Variants in ELMO1 observed in about 807,000 individuals in gnomAD.
ELMO1 encodes engulfment and cell motility protein 1.
ELMO1 carries 26 observed loss-of-function variants against 98.9 expected under a neutral mutation model. That is an observed-to-expected ratio of 0.26 (90% CI 0.19 to 0.36). The LOEUF (loss-of-function observed/expected upper bound fraction) is 0.36, where lower values mean the gene tolerates loss of function less well. ELMO1 is among the 10% of genes least tolerant of loss of function. ELMO1 has a pLI of 1.00. For missense variants in ELMO1, 627 were observed against 935.2 expected, an observed-to-expected ratio of 0.67 and a Z score of 4.30; for synonymous variants, 346 against 346.0, an observed-to-expected ratio of 1.00 and a Z score of 0.00.
At chr7:36,895,739 G>A (rs1272597791) in intron 16 of ELMO1, among the ~76,000 whole-genome samples, 1 of 152,166 alleles carries the variant, frequency 6.6e-6, no homozygotes, top group Non-Finnish European at 1.5e-5. Flanking sequence ...ATCTTCATCA[G>A]GACGCATACA....
intron 1 of ELMO1, among the ~76,000 whole-genome samples, chr7:37,412,312 C>T (rs1038714579): frequency 5.9e-5 from 9 of 152,210 alleles, no homozygotes; most frequent in Non-Finnish European, 8.8e-5. Context: ...TCCTCCTGGA[C>T]ACTGAGGAAA....
chr7:37,435,346 C>T (rs1805100292), intron 1 of ELMO1: 1 of 152,198 alleles, frequency 6.6e-6, no homozygotes, highest in Non-Finnish European at 1.5e-5. Context: ...CAGTCTCTTC[C>T]CAGCCAAGGA....
chr7:36,956,925 A>T (rs1306763789), intron 16 of ELMO1, among the ~76,000 whole-genome samples: 2 of 152,212 alleles, frequency 1.3e-5, no homozygotes, highest in Non-Finnish European at 2.9e-5. Flanking sequence ...CCTGTTTCCC[A>T]AGTCCAAAAT....
intron 14 of ELMO1, among the ~76,000 whole-genome samples, chr7:37,123,709 C>T (rs1046675717): frequency 1.3e-5 from 2 of 152,268 alleles, no homozygotes; most frequent in African/African-American, 4.8e-5. Flanking sequence ...ACCAGAGGTA[C>T]AAAGAGGAGC....
At chr7:36,944,300 G>C (rs578218674) in intron 16 of ELMO1, among the ~76,000 whole-genome samples, 1 of 152,252 alleles carries the variant, frequency 6.6e-6, no homozygotes, top group African/African-American at 2.4e-5. Context: ...TGCTTCTTGG[G>C]CACGACAATC....
intron 4 of ELMO1, among the ~76,000 whole-genome samples, chr7:37,285,837 C>G (rs1243307665): frequency 2.6e-5 from 4 of 152,126 alleles, no homozygotes; most frequent in Non-Finnish European, 5.9e-5. Context: ...CCTTATTTTT[C>G]CATCCACTTG....
chr7:37,249,186 C>A (rs557478167), intron 6 of ELMO1, among the ~76,000 whole-genome samples: 1 of 152,286 alleles, frequency 6.6e-6, no homozygotes, highest in East Asian at 1.9e-4. Context: ...ACCTCTGGTT[C>A]AGGCAAGATG....
chr7:36,977,374 A>G (rs989759787), intron 16 of ELMO1, among the ~76,000 whole-genome samples: 5 of 152,234 alleles, frequency 3.3e-5, no homozygotes, highest in Non-Finnish European at 7.3e-5. Flanking sequence ...TCTGGCCTTG[A>G]AGCAAGTAAT....
intron 1 of ELMO1, among the ~76,000 whole-genome samples, chr7:37,418,950 G>A (rs376628476): frequency 6.6e-6 from 1 of 152,074 alleles, no homozygotes; most frequent in Non-Finnish European, 1.5e-5. Context: ...AACATGAGTC[G>A]AGGGAAGAAG....
intron 16 of ELMO1, among the ~76,000 whole-genome samples, chr7:37,012,860 T>C: frequency 6.6e-6 from 1 of 152,114 alleles, no homozygotes; most frequent in Non-Finnish European, 1.5e-5. Flanking sequence ...ACATCCATAA[T>C]CCACAAAGAA....
intron 4 of ELMO1, among the ~76,000 whole-genome samples, chr7:37,310,751 T>C (rs902118339): frequency 4.6e-5 from 7 of 152,176 alleles, no homozygotes; most frequent in Non-Finnish European, 7.4e-5. Flanking sequence ...AGAGATGGCA[T>C]AGAGAGCTCT....
chr7:37,029,094 A>G (rs1437944091), intron 15 of ELMO1, among the ~76,000 whole-genome samples: 2 of 152,174 alleles, frequency 1.3e-5, no homozygotes, highest in Non-Finnish European at 2.9e-5. Context: ...AGAGAGGCAG[A>G]GCCAGACGTA....
chr7:37,001,936 G>T (rs1430691184), intron 16 of ELMO1: 1 of 152,250 alleles, frequency 6.6e-6, no homozygotes. Context: ...TGTGTTGGAG[G>T]AGATTCGGAA....
chr7:37,241,132 T>G (rs775030286), intron 7 of ELMO1, among the ~76,000 whole-genome samples: 3 of 152,104 alleles, frequency 2.0e-5, no homozygotes, highest in Non-Finnish European at 4.4e-5. Context: ...TTTTAAAACT[T>G]TATTATACAC....
intron 13 of ELMO1, among the ~76,000 whole-genome samples, chr7:37,161,277 A>C (rs949993275): frequency 1.3e-5 from 2 of 152,126 alleles, no homozygotes; most frequent in Non-Finnish European, 2.9e-5. Flanking sequence ...GATGTCATTC[A>C]TGTGAAGTCT....
chr7:37,144,841 T>C (rs1318639936), intron 13 of ELMO1, among the ~76,000 whole-genome samples: 3 of 152,196 alleles, frequency 2.0e-5, no homozygotes, highest in African/African-American at 7.2e-5. Context: ...GGAAATCAGT[T>C]TCTTTTCTGT....
chr7:36,978,342 A>G (rs972254128), intron 16 of ELMO1, among the ~76,000 whole-genome samples: 6 of 151,214 alleles, frequency 4.0e-5, no homozygotes, highest in African/African-American at 7.3e-5. Context: ...CTAGGATGCT[A>G]TAAGTTCACA....
chr7:36,953,101 G>T (rs1788125947), intron 16 of ELMO1, among the ~76,000 whole-genome samples: 1 of 151,642 alleles, frequency 6.6e-6, no homozygotes, highest in South Asian at 2.1e-4. Context: ...GAGTAGCTGG[G>T]ACTACAGGCA....
intron 6 of ELMO1, among the ~76,000 whole-genome samples, chr7:37,246,509 C>T (rs182112166): frequency 1.1e-4 from 17 of 151,942 alleles, no homozygotes; most frequent in Admixed American, 1.0e-3. Flanking sequence ...ATCAACAGGA[C>T]GAAATGGGGG....
Sources: allele counts gnomAD v4.1 joint callset (sites outside exome capture counted in the v4.1 genomes callset), GRCh38; gene constraint gnomAD v4.1.1; transcripts MANE v1.5; gene names NCBI Gene and HGNC (gene_info 2026-07-23, HGNC 2026-07-21).